The following CEP85 variants were observed in gnomAD, a reference collection of about 807,000 sequenced individuals.
CEP85 encodes centrosomal protein of 85 kDa.
CEP85 carries 58 observed loss-of-function variants against 93.7 expected under a neutral mutation model. That is an observed-to-expected ratio of 0.62 (90% CI 0.50 to 0.77). The LOEUF is 0.77. Ranked by LOEUF, CEP85 falls within the 30% of genes least tolerant of loss-of-function variation. The pLI is 0.00. For synonymous variants in CEP85, 314 were observed against 338.6 expected (o/e 0.93, Z 0.80); for missense variants, 868 against 922.0 (o/e 0.94, Z 0.76).
rs1031857408 is a variant in CEP85, at chr1:26,270,908, C to G, written c.1650-106C>G. Reference sequence around the variant, plus strand: ...ACCCAAGTATTATCCCCAGCTACTGCTTGGACTAAGTGTCTTGCCTCAAAA... The same window carrying G: ...ACCCAAGTATTATCCCCAGCTACTGGTTGGACTAAGTGTCTTGCCTCAAAA... On this transcript the variant is annotated intron_variant, in intron 9 of 13. Transcript: ENST00000451429. 5 of 701,364 alleles carry G rather than the reference C, an allele frequency of 7.1e-6. 1 individual carries two copies. 43.4% of individuals were successfully genotyped at this position (701,364 alleles called of 1,614,324 possible).
Position 26,255,274 on chromosome 1 carries a change from C to T in CEP85, c.312C>T (p.Ala104=). ...CTTCTACTTTAGGGACCTCTCCTGC[C>T]AAGCCAAATTCTACACCTGTTGGAC... ...VMPSTLGTSP[A]KPNSTPVGPS... is the part of the protein sequence containing the mutation. Residue 104 remains alanine (A), a synonymous_variant, in exon 4 of 14, where the codon GCC becomes GCT. Coordinates refer to ENST00000451429, the MANE Select transcript of CEP85 (RefSeq NM_001319944.2). 1 of 1,614,126 alleles carries T rather than the reference C, an allele frequency of 6.2e-7. No homozygotes were observed. Among genetic ancestry groups the T allele is most frequent in the Non-Finnish European group, 8.5e-7 (1 of 1,180,014 alleles).
chr1:26,237,190 T>G (rs2089339477), intron 1 of CEP85, among the ~76,000 whole-genome samples: 2 of 152,154 alleles, frequency 1.3e-5, no homozygotes, highest in Non-Finnish European at 2.9e-5. Flanking sequence ...TGGGGATGTC[T>G]TAGAATTTTT....
intron 3 of CEP85, among the ~76,000 whole-genome samples, chr1:26,246,686 G>C (rs1193571670): frequency 6.6e-6 from 1 of 150,890 alleles, no homozygotes; most frequent in Non-Finnish European, 1.5e-5. Flanking sequence ...GTGAGATCGT[G>C]CCATTGCACT....
chr1:26,250,941 T>TTTTTTTTTTTTTTTTTTTTTTC (rs2089602025), intron 3 of CEP85, among the ~76,000 whole-genome samples: 1 of 111,096 alleles, frequency 9.0e-6, no homozygotes, highest in Non-Finnish European at 1.8e-5. Context: ...TCTTTTTTTT[T>TTTTTTTTTTTTTTTTTTTTTTC]TTTTTTTTTT....
rs1407822159 is a variant in CEP85, at chr1:26,255,303, C to G, written c.341C>G (p.Ser114Cys). 6.2e-7 allele frequency: 1 copy of G among 1,614,070 alleles called. No individual in the cohort carries two copies. Among genetic ancestry groups the G allele is most frequent in the African/African-American group, 1.3e-5 (1 of 74,930 alleles). Residue 114 changes from serine to cysteine, a missense_variant, in exon 4 of 14, where the codon TCT becomes TGT. By Grantham distance (112) the Ser-to-Cys change is moderately radical (BLOSUM62 -1). Coordinates refer to ENST00000451429, the MANE Select transcript of CEP85 (RefSeq NM_001319944.2). ...CCAAATTCTACACCTGTTGGACCCT[C>G]TTCCTCTAAACTCCCTTTGTCAGGG... Reference protein sequence around the residue: ...AKPNSTPVGPSSSKLPLSGLA... With the variant: ...AKPNSTPVGPCSSKLPLSGLA...
At chr1:26,269,669 C>T (rs2089944960) in intron 9 of CEP85, 55 bp downstream of exon 9, 1 of 1,413,678 alleles carries the variant, frequency 7.1e-7, no homozygotes, top group African/African-American at 1.4e-5. Context: ...TTGTCATAGC[C>T]ATCCTGCTCA....
At chr1:26,265,579 A>G (rs2089880993) in intron 7 of CEP85, among the ~76,000 whole-genome samples, 1 of 152,106 alleles carries the variant, frequency 6.6e-6, no homozygotes. Context: ...GCTAATTTGT[A>G]TATAGATTTC....
rs374269124 is a variant in CEP85, at chr1:26,268,445, G to A, written c.1342-38G>A. ...TGCACTCCAGCAGGGTCATAGTGGA[G>A]TGAATGGTGGAGACAGACTTGACAT... On this transcript the variant is annotated intron_variant, in intron 7 of 13. Transcript: ENST00000451429. 1.8e-5 allele frequency: 29 copies of A among 1,613,142 alleles called. No homozygotes were observed. The African/African-American group carries it at 3.2e-4, about 18-fold the overall frequency.
At chr1:26,262,806 T>C (rs2089832363) in intron 7 of CEP85, among the ~76,000 whole-genome samples, 3 of 152,212 alleles carry the variant, frequency 2.0e-5, no homozygotes, top group African/African-American at 7.2e-5. Context: ...CTAGTGAATC[T>C]TCTCACTTCA....
intron 7 of CEP85, among the ~76,000 whole-genome samples, chr1:26,265,242 C>T (rs148967447): frequency 6.6e-6 from 1 of 152,160 alleles, no homozygotes; most frequent in African/African-American, 2.4e-5. Context: ...CCTCGACTTC[C>T]CAAAGTGCTA....
intron 11 of CEP85, among the ~76,000 whole-genome samples, chr1:26,273,434 C>T (rs1315330424): frequency 6.6e-6 from 1 of 152,122 alleles, no homozygotes; most frequent in Non-Finnish European, 1.5e-5. Context: ...GGTAGTCAAG[C>T]CTGGCAAGCA....
intron 3 of CEP85, among the ~76,000 whole-genome samples, chr1:26,253,444 C>T (rs2089649793): frequency 6.8e-6 from 1 of 146,358 alleles, no homozygotes; most frequent in Non-Finnish European, 1.5e-5. Flanking sequence ...GGCTGGAGTG[C>T]AGTAGTGCGA....
Position 26,271,044 on chromosome 1 carries a change from C to G in CEP85, c.1680C>G (p.Thr560=), listed in dbSNP as rs764213440. The G allele has an allele frequency of 6.2e-7, 1 of 1,613,322 alleles. No individual in the cohort carries two copies. The highest frequency in any genetic ancestry group is 1.7e-5 in the Admixed American group (1 of 59,988). Residue 560 remains threonine (T), a synonymous_variant, in exon 10 of 14, where the codon ACC becomes ACG. Transcript: ENST00000451429. ...AAGATAAACAGTCTGTGGAGGAGAC[C>G]AGTGGAGAAGGTCCAGAAGTGGAAA... ...SLQDKQSVEE[T]SGEGPEVEME...
intron 3 of CEP85, among the ~76,000 whole-genome samples, chr1:26,247,860 A>G (rs762553641): frequency 3.3e-5 from 5 of 152,062 alleles, no homozygotes; most frequent in Non-Finnish European, 4.4e-5. Flanking sequence ...GGTTCTCACC[A>G]TCTTGCCCAG....
chr1:26,259,130 A>G (rs899031943), intron 6 of CEP85, among the ~76,000 whole-genome samples: 9 of 152,236 alleles, frequency 5.9e-5, no homozygotes, highest in African/African-American at 2.2e-4. Context: ...AGTGCCTTAA[A>G]TAAAACTAGT....
intron 7 of CEP85, 26 bp from the exon 8 acceptor site, chr1:26,268,457 G>A: frequency 1.2e-6 from 2 of 1,613,842 alleles, no homozygotes; most frequent in Non-Finnish European, 1.7e-6. Flanking sequence ...GAATGGTGGA[G>A]ACAGACTTGA....
Position 26,259,855 on chromosome 1 carries a change from T to G in CEP85, c.1341+53T>G. On this transcript the variant is annotated intron_variant, in intron 7 of 13. Coordinates refer to ENST00000451429, the MANE Select transcript of CEP85 (RefSeq NM_001319944.2). Reference sequence around the variant, plus strand: ...TCACAAAGGAGTTGGCAGTCAGCTGTCTACTCTAAAGCCTAAGCTGTTTCT... The same window carrying G: ...TCACAAAGGAGTTGGCAGTCAGCTGGCTACTCTAAAGCCTAAGCTGTTTCT... 7 of 1,471,676 alleles carry G rather than the reference T, an allele frequency of 4.8e-6. No individual in the cohort carries two copies. In the South Asian group the frequency reaches 6.7e-5, roughly 14 times the overall value. The allele number at this position is 1,471,676 out of a possible 1,614,324, so 91.2% of individuals were successfully genotyped here.
chr1:26,247,807 A>AGTTTG (rs756374719), intron 3 of CEP85, among the ~76,000 whole-genome samples: 11 of 151,768 alleles, frequency 7.2e-5, no homozygotes, highest in Non-Finnish European at 1.2e-4. Flanking sequence ...ACACTCAGCC[A>AGTTTG]GTTTGTTTTG....
At chr1:26,275,696 C>T (rs572565714) in intron 12 of CEP85, among the ~76,000 whole-genome samples, 1 of 152,168 alleles carries the variant, frequency 6.6e-6, no homozygotes, top group Non-Finnish European at 1.5e-5. Context: ...CCTTCATGCA[C>T]TAAACAGAGC....
Sources: gnomAD v4.1 joint callset for allele counts (sites outside exome capture counted in the v4.1 genomes callset) on GRCh38, gnomAD v4.1.1 for gene constraint, MANE v1.5 for transcripts, NCBI Gene and HGNC (gene_info 2026-07-23, HGNC 2026-07-21) for gene names.